The following PXDNL variants were observed in gnomAD, a reference collection of about 807,000 sequenced individuals.
PXDNL encodes peroxidasin like.
Under a neutral mutation model 150.8 loss-of-function variants are expected in PXDNL, and 145 were observed. That is an observed-to-expected ratio of 0.96 (90% CI 0.84 to 1.10). PXDNL has a LOEUF of 1.10. PXDNL is among the 50% of genes least tolerant of loss of function. The pLI is 0.00. For synonymous variants in PXDNL, 757 were observed against 725.7 expected (o/e 1.04, Z -0.69); for missense variants, 2,087 against 1,873.9 (o/e 1.11, Z -2.10).
intron 1 of PXDNL, among the ~76,000 whole-genome samples, chr8:51,744,929 A>G (rs1563307720): frequency 6.6e-4 from 1 of 1,526 alleles, no homozygotes; most frequent in Non-Finnish European, 0.012. Flanking sequence ...AAAGAAAGAA[A>G]AAGAAAGAAA....
chr8:51,508,286 A>C (rs1347631936), intron 4 of PXDNL, among the ~76,000 whole-genome samples: 2 of 152,240 alleles, frequency 1.3e-5, no homozygotes, highest in Admixed American at 1.3e-4. Context: ...TAAAAGGCAA[A>C]GTCAACTGTG....
chr8:51,638,957 CA>C (rs759222667), intron 2 of PXDNL, among the ~76,000 whole-genome samples: 8 of 152,130 alleles, frequency 5.3e-5, no homozygotes, highest in Non-Finnish European at 1.0e-4. Context: ...GGAAGTAAAG[CA>C]CTCCTCAGCA....
chr8:51,561,496 C>T (rs1812720200), intron 3 of PXDNL, among the ~76,000 whole-genome samples: 1 of 151,788 alleles, frequency 6.6e-6, no homozygotes, highest in Non-Finnish European at 1.5e-5. Context: ...GATGAGATAG[C>T]AAGATCTTAT....
intron 2 of PXDNL, among the ~76,000 whole-genome samples, chr8:51,650,928 T>C (rs1386841982): frequency 6.6e-6 from 1 of 152,194 alleles, no homozygotes; most frequent in Non-Finnish European, 1.5e-5. Flanking sequence ...CCTGAGACTG[T>C]ATACAGATTG....
chr8:51,333,974 C>T (rs1805768337), intron 21 of PXDNL, among the ~76,000 whole-genome samples: 1 of 152,078 alleles, frequency 6.6e-6, no homozygotes, highest in African/African-American at 2.4e-5. Context: ...ATGGACATAA[C>T]AGATATATAC....
intron 4 of PXDNL, among the ~76,000 whole-genome samples, chr8:51,505,058 G>T (rs181771126): frequency 1.2e-4 from 19 of 152,260 alleles, no homozygotes; most frequent in Non-Finnish European, 2.5e-4. Flanking sequence ...AACCTAGAGG[G>T]CATCTAGCAA....
intron 4 of PXDNL, among the ~76,000 whole-genome samples, chr8:51,554,882 C>T (rs528115891): frequency 6.6e-6 from 1 of 152,172 alleles, no homozygotes. Flanking sequence ...TTTGAGCCCT[C>T]GCCAGAACTG....
rs556662950 is a variant in PXDNL, at chr8:51,517,666, T to C, written c.381-17896A>G. Among the ~76,000 whole-genome samples, 14 of 152,374 alleles carry C rather than the reference T, an allele frequency of 9.2e-5. 1 individual carries two copies. The South Asian group carries it at 2.9e-3, about 32-fold the overall frequency. ...ATTATATGTGTAATTGCCTCTTATA[T>C]GTTTTATCAAGGGATAATTTTATAT... is the stretch of plus-strand genomic sequence containing the variant. On this transcript the variant is annotated intron_variant, in intron 4 of 22. Transcript: ENST00000356297.
chr8:51,735,319 A>T (rs977920513), intron 1 of PXDNL, among the ~76,000 whole-genome samples: 150 of 149,712 alleles, frequency 1.0e-3, no homozygotes, highest in Non-Finnish European at 8.0e-4. Flanking sequence ...TGTATCTACT[A>T]AAAAAAAAGA....
At chr8:51,604,055 A>C (rs1813786255) in intron 2 of PXDNL, among the ~76,000 whole-genome samples, 1 of 152,158 alleles carries the variant, frequency 6.6e-6, no homozygotes, top group African/African-American at 2.4e-5. Context: ...CCTTCCTCCA[A>C]AATTATAATA....
chr8:51,732,227 G>C (rs1585708163), intron 1 of PXDNL, among the ~76,000 whole-genome samples: 2 of 152,156 alleles, frequency 1.3e-5, no homozygotes, highest in Non-Finnish European at 2.9e-5. Context: ...TCTTCTGCCA[G>C]ATGCCCTAAA....
intron 21 of PXDNL, among the ~76,000 whole-genome samples, chr8:51,322,280 C>T (rs1048569884): frequency 2.6e-5 from 4 of 151,760 alleles, no homozygotes; most frequent in African/African-American, 9.7e-5. Flanking sequence ...TGAGAGATGA[C>T]CATGTCTTTC....
chr8:51,487,884 CA>C (rs1352135935), intron 5 of PXDNL, among the ~76,000 whole-genome samples: 1 of 152,154 alleles, frequency 6.6e-6, no homozygotes, highest in African/African-American at 2.4e-5. Flanking sequence ...GCGCTTTTGT[CA>C]AATCATAACA....
At chr8:51,766,821 C>G (rs1205722568) in intron 1 of PXDNL, among the ~76,000 whole-genome samples, 1 of 151,802 alleles carries the variant, frequency 6.6e-6, no homozygotes, top group Non-Finnish European at 1.5e-5. Flanking sequence ...ACTTGGAGTT[C>G]ATTGAACTTG....
At position 51,319,984 on chromosome 8, in the gene PXDNL, C is replaced by T. The variant is rs571386178; in HGVS notation, c.4299G>A (p.Pro1433=). 5.5e-5 allele frequency: 86 copies of T among 1,569,992 alleles called. 2 individuals are homozygous for T. Among genetic ancestry groups the T allele is most frequent in the South Asian group, 4.5e-4 (38 of 84,096 alleles). ...QVTCVVEICP[P]APCPSPELVK... is the part of the protein sequence containing the mutation. ...CCAATTCAGGACTGGGACAGGGAGC[C>T]GGGGGACAAATCTCCACCACACAGG... Residue 1433 remains proline, a synonymous_variant, in exon 23 of 23, where the codon CCG becomes CCA. Transcript: ENST00000356297.
At chr8:51,487,040 G>C (rs949184647) in intron 5 of PXDNL, among the ~76,000 whole-genome samples, 4 of 151,382 alleles carry the variant, frequency 2.6e-5, no homozygotes, top group African/African-American at 9.7e-5. Context: ...TGATCGGCCC[G>C]CCCCGGCTTC....
chr8:51,528,382 TA>T (rs1811811669), intron 4 of PXDNL, among the ~76,000 whole-genome samples: 1 of 152,024 alleles, frequency 6.6e-6, no homozygotes, highest in African/African-American at 2.4e-5. Context: ...TTTAAATGTT[TA>T]AAATGTTTTA....
At chr8:51,482,988 T>C (rs1810636486) in intron 6 of PXDNL, among the ~76,000 whole-genome samples, 1 of 152,152 alleles carries the variant, frequency 6.6e-6, no homozygotes, top group African/African-American at 2.4e-5. Flanking sequence ...TTCTGATAAC[T>C]GGAACTTATA....
chr8:51,750,050 G>T (rs1318259379), intron 1 of PXDNL, among the ~76,000 whole-genome samples: 1 of 151,978 alleles, frequency 6.6e-6, no homozygotes, highest in Non-Finnish European at 1.5e-5. Context: ...ATTAACCTTA[G>T]CTTATGTAAC....
Sources: allele counts gnomAD v4.1 joint callset (sites outside exome capture counted in the v4.1 genomes callset), GRCh38; gene constraint gnomAD v4.1.1; transcripts MANE v1.5; gene names NCBI Gene and HGNC (gene_info 2026-07-23, HGNC 2026-07-21).